The following LRP6 variants were observed in gnomAD, a reference collection of about 807,000 sequenced individuals.
The protein encoded by LRP6 is low-density lipoprotein receptor-related protein 6.
In LRP6, 43 loss-of-function variants were observed where a neutral mutation model predicts 184.1. That is an observed-to-expected ratio of 0.23 (90% CI 0.18 to 0.30). The LOEUF is 0.30. Ranked by LOEUF, LRP6 falls within the 10% of genes least tolerant of loss-of-function variation. The pLI is 1.00. For synonymous variants in LRP6, 719 were observed against 684.9 expected (o/e 1.05, Z -0.78); for missense variants, 1,571 against 2,005.3 (o/e 0.78, Z 4.14).
chr12:12,160,686 T>C (rs1478483596), intron 10 of LRP6, among the ~76,000 whole-genome samples: 1 of 152,218 alleles, frequency 6.6e-6, no homozygotes, highest in Non-Finnish European at 1.5e-5. Flanking sequence ...AATCCTACAG[T>C]ATAGGCTTTT....
In LRP6 at chr12:12,166,381, T is replaced by C. The variant is rs978519360; in HGVS notation, c.1546-1086A>G. On this transcript the variant is annotated intron_variant, in intron 7 of 22. Transcript: ENST00000261349. ...GGTCATATACTTAACAGTGAACCTA[T>C]GTCCTGCATTAGGGAGAGTTCAATC... Among the ~76,000 whole-genome samples, 5 of 152,192 alleles carry C rather than the reference T, an allele frequency of 3.3e-5. No individual in the cohort carries two copies. The East Asian group carries it at 9.6e-4, about 29-fold the overall frequency.
At chr12:12,156,466 G>T (rs34828734) in intron 12 of LRP6, among the ~76,000 whole-genome samples, 3 of 152,064 alleles carry the variant, frequency 2.0e-5, no homozygotes, top group Non-Finnish European at 4.4e-5. Flanking sequence ...TGAAATGTGG[G>T]GTATAGGTCA....
chr12:12,227,369 G>T (rs747487080), intron 2 of LRP6, among the ~76,000 whole-genome samples: 1 of 150,658 alleles, frequency 6.6e-6, no homozygotes, highest in Non-Finnish European at 1.5e-5. Context: ...AACGGCATTA[G>T]AGAAGGAATA....
chr12:12,141,874 C>T (rs1195938925), intron 15 of LRP6, among the ~76,000 whole-genome samples: 1 of 152,114 alleles, frequency 6.6e-6, no homozygotes, highest in Non-Finnish European at 1.5e-5. Flanking sequence ...AAAATTATGG[C>T]ACTAGTCACA....
rs200540414 is a variant in LRP6, at chr12:12,266,759, C to T, written c.-24G>A. ...ATCTTCCCTTCTCGCGTTCTCTTCT[C>T]TCACCGGCGAGGGGTGGCCAGAAGT... On this transcript the variant is annotated 5_prime_UTR_variant, in exon 1 of 23. Coordinates refer to ENST00000261349, the MANE Select transcript of LRP6 (RefSeq NM_002336.3). 51 of 1,607,078 alleles carry T rather than the reference C, an allele frequency of 3.2e-5. No homozygotes were observed. Among genetic ancestry groups the T allele is most frequent in the East Asian group, 4.5e-5 (2 of 44,480 alleles).
chr12:12,164,992 C>CA (rs1591904855), intron 8 of LRP6, 87 bp downstream of exon 8: 2 of 743,688 alleles, frequency 2.7e-6, no homozygotes, highest in East Asian at 1.2e-4. Flanking sequence ...AAAATTGCCT[C>CA]AAAACATCAA....
At chr12:12,171,014 A>T (rs1170772101) in intron 7 of LRP6, among the ~76,000 whole-genome samples, 1 of 152,160 alleles carries the variant, frequency 6.6e-6, no homozygotes, top group African/African-American at 2.4e-5. Context: ...CATTTCTGCC[A>T]TCTCCTTAGC....
At chr12:12,234,591 G>C (rs2135899140) in intron 2 of LRP6, among the ~76,000 whole-genome samples, 1 of 152,120 alleles carries the variant, frequency 6.6e-6, no homozygotes, top group East Asian at 1.9e-4. Flanking sequence ...CCAGCACTCT[G>C]AGAGGCTGAG....
At chr12:12,259,391 A>AT (rs1321821670) in intron 1 of LRP6, among the ~76,000 whole-genome samples, 1 of 152,058 alleles carries the variant, frequency 6.6e-6, no homozygotes, top group African/African-American at 2.4e-5. Context: ...ATATAATTTC[A>AT]TTTTGCATCC....
Position 12,162,436 on chromosome 12 carries a change from A to C in LRP6, c.2053-17T>G. The C allele has an allele frequency of 6.3e-7, 1 of 1,593,598 alleles. No homozygotes were observed. The highest frequency in any genetic ancestry group is 8.6e-7 in the Non-Finnish European group (1 of 1,161,244). On this transcript the variant is annotated splice_polypyrimidine_tract_variant and intron_variant, in intron 9 of 22. Transcript: ENST00000261349. ...GCTGATGGTCTGCAAAAGAACATTA[A>C]CAACTAAGTCATATGGCATAAGTCT... is the stretch of plus-strand genomic sequence containing the variant.
At chr12:12,234,771 C>T (rs1032249440) in intron 2 of LRP6, among the ~76,000 whole-genome samples, 1 of 150,488 alleles carries the variant, frequency 6.6e-6, no homozygotes, top group Non-Finnish European at 1.5e-5. Context: ...GCAGAGGTTG[C>T]AATGAGCCAA....
At chr12:12,147,223 T>C (rs913201456) in intron 15 of LRP6, 143 bp downstream of exon 15, 3 of 857,060 alleles carry the variant, frequency 3.5e-6, no homozygotes, top group Admixed American at 2.4e-5. Context: ...AAAAAGCTCT[T>C]CACCAACCAA....
At chr12:12,266,539 C>G in intron 1 of LRP6, 142 bp downstream of exon 1, 1 of 759,546 alleles carries the variant, frequency 1.3e-6, no homozygotes, top group Non-Finnish European at 2.2e-6. Flanking sequence ...GGGCCCCTTT[C>G]TCTCCCCCTC....
intron 2 of LRP6, among the ~76,000 whole-genome samples, chr12:12,232,569 C>A (rs1591971571): frequency 1.8e-5 from 2 of 112,650 alleles, no homozygotes; most frequent in South Asian, 3.5e-4. Flanking sequence ...TAACCTTAAG[C>A]AAGAATCCAG....
intron 10 of LRP6, among the ~76,000 whole-genome samples, chr12:12,160,478 GT>G (rs1862712881): frequency 6.6e-6 from 1 of 152,124 alleles, no homozygotes; most frequent in Non-Finnish European, 1.5e-5. Context: ...TTTAACTGAA[GT>G]CAAAAGCAAA....
intron 2 of LRP6, among the ~76,000 whole-genome samples, chr12:12,206,863 A>C (rs1864074075): frequency 6.6e-6 from 1 of 152,164 alleles, no homozygotes; most frequent in Non-Finnish European, 1.5e-5. Context: ...AAAACTAAAA[A>C]AAATCCTGAG....
intron 2 of LRP6, among the ~76,000 whole-genome samples, chr12:12,215,566 G>C (rs1864320785): frequency 2.6e-5 from 4 of 151,488 alleles, no homozygotes. Flanking sequence ...GGCCAGGCTG[G>C]TCTCAAACTT....
intron 1 of LRP6, among the ~76,000 whole-genome samples, chr12:12,260,233 G>A (rs1865577365): frequency 6.6e-6 from 1 of 152,038 alleles, no homozygotes; most frequent in Admixed American, 6.6e-5. Context: ...AAAAAAATTA[G>A]CCGGGCGTGT....
At chr12:12,122,303 T>A (rs988201044) in intron 22 of LRP6, among the ~76,000 whole-genome samples, 2 of 152,224 alleles carry the variant, frequency 1.3e-5, no homozygotes, top group African/African-American at 2.4e-5. Flanking sequence ...TAACTTCTTA[T>A]ACCTGTTTAT....
Sources: gnomAD v4.1 joint callset for allele counts (sites outside exome capture counted in the v4.1 genomes callset) on GRCh38, gnomAD v4.1.1 for gene constraint, MANE v1.5 for transcripts, NCBI Gene and HGNC (gene_info 2026-07-23, HGNC 2026-07-21) for gene names.